ZNF184: variants seen among roughly 807,000 people sequenced by gnomAD.
ZNF184 encodes the protein zinc finger protein 184 (Kruppel-like).
In ZNF184, 16 loss-of-function variants were observed where a neutral mutation model predicts 54.4. The observed-to-expected ratio is 0.29, with a 90% CI of 0.20 to 0.45. The LOEUF (loss-of-function observed/expected upper bound fraction) is 0.45, where lower values mean the gene tolerates loss of function less well. Ranked by LOEUF, ZNF184 falls within the 20% of genes least tolerant of loss-of-function variation. ZNF184 has a pLI of 1.00. For missense variants in ZNF184, 681 were observed against 888.2 expected (o/e 0.77, Z 2.97); for synonymous variants, 254 against 295.3 (o/e 0.86, Z 1.43).
At chr6:27,436,249 C>T in the ZNF184 span, among the ~76,000 whole-genome samples, 18 of 152,172 alleles carry the variant, frequency 1.2e-4, no homozygotes, top group African/African-American at 3.1e-4. Flanking sequence ...CTGCAACCTC[C>T]GCCTCCCAGG....
downstream of ZNF184, among the ~76,000 whole-genome samples, chr6:27,447,898 C>A (rs1581570327): frequency 2.0e-5 from 3 of 152,204 alleles, no homozygotes; most frequent in East Asian, 5.8e-4. Flanking sequence ...TGATGTAGCA[C>A]AAAGGCCCTC....
intron 3 of ZNF184, among the ~76,000 whole-genome samples, chr6:27,461,960 C>A (rs1035098105): frequency 2.6e-5 from 4 of 152,162 alleles, no homozygotes; most frequent in Non-Finnish European, 5.9e-5. Context: ...GTGAAAGAAT[C>A]ACCTAAAGGA....
At chr6:27,414,730 A>G in the ZNF184 span, among the ~76,000 whole-genome samples, 4 of 152,040 alleles carry the variant, frequency 2.6e-5, no homozygotes, top group Admixed American at 6.6e-5. Flanking sequence ...TTTTCTTCAT[A>G]GTATATACTC....
the ZNF184 span, among the ~76,000 whole-genome samples, chr6:27,416,171 C>T: frequency 2.9e-4 from 44 of 152,208 alleles, no homozygotes; most frequent in Non-Finnish European, 5.1e-4. Flanking sequence ...AGTCTATTTT[C>T]ACCATCTTTT....
the ZNF184 span, among the ~76,000 whole-genome samples, chr6:27,422,085 G>A: frequency 6.7e-6 from 1 of 149,746 alleles, no homozygotes; most frequent in Non-Finnish European, 1.5e-5. Flanking sequence ...AGGCTGCAGT[G>A]AGCCATGGCT....
rs554653691 is a variant in ZNF184, at chr6:27,472,190, T to C, written c.7+98A>G. 3 of 1,530,854 alleles carry C rather than the reference T, an allele frequency of 2.0e-6. 1 individual carries two copies. In the East Asian group the frequency reaches 6.9e-5, roughly 35 times the overall value. The allele number at this position is 1,530,854 out of a possible 1,614,324, so 94.8% of individuals were successfully genotyped here. ...AATCCCTAAGCATACCGTTCCTTCC[T>C]TCCAAATCTCCTGCTCTGATCTCAA... On this transcript the variant is annotated intron_variant, in intron 2 of 5. Transcript: ENST00000683788. The surrounding 1 kb of genome is among the most constrained non-coding windows in gnomAD (Gnocchi z 4.8).
At chr6:27,440,038 A>C in the ZNF184 span, among the ~76,000 whole-genome samples, 1 of 152,246 alleles carries the variant, frequency 6.6e-6, no homozygotes, top group Non-Finnish European at 1.5e-5. Flanking sequence ...TGAAATTTTA[A>C]AGAAATGTTT....
chr6:27,410,045 G>A, the ZNF184 span, among the ~76,000 whole-genome samples: 1 of 152,130 alleles, frequency 6.6e-6, no homozygotes, highest in Non-Finnish European at 1.5e-5. Flanking sequence ...TGATGTACAG[G>A]TTTGTAGCCT....
chr6:27,414,053 C>A, the ZNF184 span, among the ~76,000 whole-genome samples: 94 of 152,322 alleles, frequency 6.2e-4, no homozygotes, highest in African/African-American at 2.2e-3. Context: ...AATTTCCTCA[C>A]AACTTCATAG....
At chr6:27,467,420 C>T (rs1269030100) in intron 3 of ZNF184, among the ~76,000 whole-genome samples, 2 of 152,090 alleles carry the variant, frequency 1.3e-5, no homozygotes, top group Admixed American at 6.5e-5. Context: ...ATGATGAAAC[C>T]CCGTCTCTAC....
At chr6:27,424,047 C>A in the ZNF184 span, among the ~76,000 whole-genome samples, 1 of 152,196 alleles carries the variant, frequency 6.6e-6, no homozygotes, top group Non-Finnish European at 1.5e-5. Flanking sequence ...GTGAGCGTTA[C>A]AACTCCTAAA....
At chr6:27,423,744 TTA>T in the ZNF184 span, among the ~76,000 whole-genome samples, 18 of 152,340 alleles carry the variant, frequency 1.2e-4, no homozygotes, top group Admixed American at 9.1e-4. Context: ...CAAAGAAAGA[TTA>T]TGTGTATTAG....
At chr6:27,416,742 G>A in the ZNF184 span, among the ~76,000 whole-genome samples, 1 of 152,200 alleles carries the variant, frequency 6.6e-6, no homozygotes, top group African/African-American at 2.4e-5. Context: ...GGATCTCACT[G>A]ACCCCTGCTA....
the ZNF184 span, among the ~76,000 whole-genome samples, chr6:27,444,272 A>C: frequency 6.6e-6 from 1 of 152,098 alleles, no homozygotes; most frequent in Non-Finnish European, 1.5e-5. Context: ...CCATAGCCAA[A>C]TACTCTTTGT....
the ZNF184 span, among the ~76,000 whole-genome samples, chr6:27,418,699 T>C: frequency 6.6e-6 from 1 of 152,190 alleles, no homozygotes; most frequent in Non-Finnish European, 1.5e-5. Context: ...TTCTTTTTGC[T>C]ATTTGGTTAT....
At chr6:27,422,677 G>T in the ZNF184 span, among the ~76,000 whole-genome samples, 1 of 152,110 alleles carries the variant, frequency 6.6e-6, no homozygotes, top group Non-Finnish European at 1.5e-5. Flanking sequence ...TCTAGGTCAG[G>T]TCTGTTTTTC....
chr6:27,408,616 G>A, the ZNF184 span, among the ~76,000 whole-genome samples: 1 of 152,168 alleles, frequency 6.6e-6, no homozygotes, highest in African/African-American at 2.4e-5. Flanking sequence ...TTTTGGAAAT[G>A]ATACACTGCT....
At chr6:27,436,188 T>C in the ZNF184 span, among the ~76,000 whole-genome samples, 1 of 152,224 alleles carries the variant, frequency 6.6e-6, no homozygotes, top group East Asian at 1.9e-4. Flanking sequence ...TGTTGTTTTT[T>C]TTCTGAGACT....
the ZNF184 span, among the ~76,000 whole-genome samples, chr6:27,442,880 A>AAAGAAAGAAAGAAAAAAAGAAAG: frequency 1.6e-4 from 14 of 86,174 alleles, 2 homozygotes; most frequent in Non-Finnish European, 2.2e-4. Flanking sequence ...GAAAGAAAGA[A>AAAGAAAGAAAGAAAAAAAGAAAG]AAAGAAAAAA....
Sources: allele counts gnomAD v4.1 joint callset (sites outside exome capture counted in the v4.1 genomes callset), GRCh38; gene constraint gnomAD v4.1.1; non-coding constraint Gnocchi (gnomAD v3.1); transcripts MANE v1.5; gene names NCBI Gene and HGNC (gene_info 2026-07-23, HGNC 2026-07-21).